Variants in GORASP2 observed in about 807,000 individuals in gnomAD.
GORASP2 encodes Golgi reassembly-stacking protein 2.
A neutral mutation model predicts 45.7 loss-of-function variants in GORASP2; 22 were observed. That is an observed-to-expected ratio of 0.48 (90% CI 0.34 to 0.69). The LOEUF is 0.69. Among genes scored for constraint, GORASP2 ranks in the 30% least tolerant of loss-of-function variants. The probability of loss-of-function intolerance (pLI) is 0.01; values close to 1 mark genes in which losing one functional copy is unlikely to be tolerated. For synonymous variants in GORASP2, 221 were observed against 215.6 expected (o/e 1.02, Z -0.22); for missense variants, 491 against 562.7 (o/e 0.87, Z 1.29).
intron 3 of GORASP2, 81 bp from the exon 4 acceptor site, chr2:170,950,123 C>A: frequency 2.9e-6 from 2 of 688,924 alleles, no homozygotes; most frequent in South Asian, 1.9e-5. Context: ...AAAAAATCAA[C>A]ATAATTAAAA....
intron 1 of GORASP2, among the ~76,000 whole-genome samples, chr2:170,931,287 G>C (rs1334774065): frequency 1.3e-5 from 2 of 152,140 alleles, no homozygotes; most frequent in Non-Finnish European, 2.9e-5. Context: ...TCTAGTTTAG[G>C]AGAATTTTGT....
chr2:170,930,077 T>C (rs1317929139), intron 1 of GORASP2: 1 of 230,058 alleles, frequency 4.3e-6, no homozygotes, highest in Non-Finnish European at 9.1e-6. Flanking sequence ...GAGGGTGTGG[T>C]TTAGATTATA....
chr2:170,929,713 T>A, intron 1 of GORASP2: 1 of 593,442 alleles, frequency 1.7e-6, no homozygotes, highest in South Asian at 1.5e-5. Flanking sequence ...CACGGCCTTC[T>A]CTCTCCTCCA....
At chr2:170,936,503 A>G (rs146056398) in intron 1 of GORASP2, 9 of 464,014 alleles carry the variant, frequency 1.9e-5, no homozygotes, top group African/African-American at 1.6e-4. Flanking sequence ...TACACTTATG[A>G]GCCACCACAC....
intron 1 of GORASP2, among the ~76,000 whole-genome samples, chr2:170,935,701 A>G (rs1468138818): frequency 2.0e-5 from 3 of 150,392 alleles, no homozygotes; most frequent in African/African-American, 7.4e-5. Flanking sequence ...CAGCCTCCCC[A>G]GTAGCTGGGA....
At chr2:170,945,649 G>A (rs6753513) in intron 1 of GORASP2, among the ~76,000 whole-genome samples, 124,671 of 152,132 alleles carry the variant, frequency 0.82, 53,774 homozygotes, top group East Asian at 1. Flanking sequence ...GGAGTTAGAC[G>A]TTGAACCGTC....
At chr2:170,937,604 G>C (rs1703985754) in intron 1 of GORASP2, among the ~76,000 whole-genome samples, 1 of 152,152 alleles carries the variant, frequency 6.6e-6, no homozygotes, top group Non-Finnish European at 1.5e-5. Flanking sequence ...AGGAGTTCAA[G>C]AGTAGCCGTG....
At chr2:170,944,624 A>G (rs534442061) in intron 1 of GORASP2, among the ~76,000 whole-genome samples, 1 of 152,202 alleles carries the variant, frequency 6.6e-6, no homozygotes, top group Non-Finnish European at 1.5e-5. Flanking sequence ...TATACTCTAA[A>G]GTTTATACTT....
At chr2:170,936,806 C>T in intron 1 of GORASP2, 1 of 409,718 alleles carries the variant, frequency 2.4e-6, no homozygotes, top group Non-Finnish European at 4.9e-6. Context: ...AAAATTGTCA[C>T]TTGACCAAGG....
chr2:170,958,936 C>T (rs1704490756), intron 7 of GORASP2, among the ~76,000 whole-genome samples: 1 of 152,040 alleles, frequency 6.6e-6, no homozygotes, highest in Admixed American at 6.6e-5. Flanking sequence ...GCCCCAAGTG[C>T]TGGGATTACA....
chr2:170,938,272 C>T (rs781417293), intron 1 of GORASP2, among the ~76,000 whole-genome samples: 5 of 152,222 alleles, frequency 3.3e-5, no homozygotes, highest in Non-Finnish European at 7.3e-5. Flanking sequence ...CGTGGCAATA[C>T]TAGCTAAAAT....
At chr2:170,956,346 T>C in intron 6 of GORASP2, 90 bp from the exon 7 acceptor site, 2 of 1,158,454 alleles carry the variant, frequency 1.7e-6, no homozygotes, top group South Asian at 1.5e-5. Flanking sequence ...GAACCAAATA[T>C]CTATCTGCAG....
At chr2:170,963,489 G>GCC (rs1434590529) in intron 9 of GORASP2, among the ~76,000 whole-genome samples, 9 of 26,436 alleles carry the variant, frequency 3.4e-4, no homozygotes, top group Non-Finnish European at 6.8e-4. Flanking sequence ...TCCTCCTCCC[G>GCC]CCCCCCTCCC....
intron 9 of GORASP2, among the ~76,000 whole-genome samples, chr2:170,965,270 A>G (rs143147619): frequency 3.9e-5 from 6 of 152,304 alleles, no homozygotes; most frequent in Non-Finnish European, 7.4e-5. Flanking sequence ...ATAGTTATCA[A>G]TCACAGGTTT....
In GORASP2 at chr2:170,963,453, C is replaced by G. The variant is rs866606488; in HGVS notation, c.1018+507C>G. Among the ~76,000 whole-genome samples, 24 of 137,454 alleles carry G rather than the reference C, an allele frequency of 1.7e-4. No individual in the cohort carries two copies. In the South Asian group the frequency reaches 2.5e-3, roughly 14 times the overall value. 90.2% of individuals were successfully genotyped at this position (137,454 alleles called of 152,430 possible). On this transcript the variant is annotated intron_variant, in intron 9 of 9. Transcript: ENST00000234160. ...TGCTACTGCTGCTGCTGCTGCTGCTCCTCCTCCTCCTCCTCCTCCCCCTCC... is the reference window on the plus strand; with the variant it reads ...TGCTACTGCTGCTGCTGCTGCTGCTGCTCCTCCTCCTCCTCCTCCCCCTCC...
At position 170,949,692 on chromosome 2, in the gene GORASP2, A is replaced by G. The variant is rs1704255314; in HGVS notation, c.298A>G (p.Ile100Val). Residue 100 changes from isoleucine to valine, a missense_variant, in exon 3 of 10, where the codon ATT (isoleucine) becomes GTT (valine). Physicochemically the swap from Ile to Val is conservative, Grantham distance 29. This residue lies in a region of GORASP2 where 194 missense variants were observed against 270.4 expected (regional missense o/e 0.72). Transcript: ENST00000234160. ...WGGQGLLGVS[I>V]RFCSFDGANE... The stretch of plus-strand genomic sequence containing the variant: ...CGGCCAGGGCTTATTGGGAGTGAGC[A>G]TTCGTTTCTGCAGCTTTGATGGGGC... 4 of 1,614,006 alleles carry G rather than the reference A, an allele frequency of 2.5e-6. No homozygotes were observed. Among genetic ancestry groups the G allele is most frequent in the Non-Finnish European group, 3.4e-6 (4 of 1,179,966 alleles).
At chr2:170,961,074 G>A (rs1052307708) in intron 7 of GORASP2, among the ~76,000 whole-genome samples, 1 of 152,216 alleles carries the variant, frequency 6.6e-6, no homozygotes, top group Non-Finnish European at 1.5e-5. Flanking sequence ...TCAAGCTAAT[G>A]TTAGTACACG....
intron 1 of GORASP2, among the ~76,000 whole-genome samples, chr2:170,942,380 C>T (rs1330861588): frequency 6.6e-6 from 1 of 152,114 alleles, no homozygotes. Flanking sequence ...AGCCATTCCC[C>T]CATTCTTCCA....
chr2:170,938,118 G>A (rs6743095), intron 1 of GORASP2, among the ~76,000 whole-genome samples: 124,569 of 152,082 alleles, frequency 0.82, 53,704 homozygotes, highest in East Asian at 1. Flanking sequence ...TTAAAACAAC[G>A]CTATCTACCT....
Sources: gnomAD v4.1 joint callset for allele counts (sites outside exome capture counted in the v4.1 genomes callset) on GRCh38, gnomAD v4.1.1 for gene constraint, gnomAD v4.1.1 regional missense constraint, MANE v1.5 for transcripts, NCBI Gene and HGNC (gene_info 2026-07-23, HGNC 2026-07-21) for gene names.